The following C19orf81 variants were observed in gnomAD, a reference collection of about 807,000 sequenced individuals.
The protein encoded by C19orf81 is chromosome 19 open reading frame 81.
Under a neutral mutation model 22.1 loss-of-function variants are expected in C19orf81, and 19 were observed. The ratio of observed to expected loss-of-function variants is 0.86; its 90% CI spans 0.60 to 1.26. C19orf81 has a LOEUF of 1.26. C19orf81 is among the 50% of genes most tolerant of loss of function. The pLI is 0.00. For missense variants in C19orf81, 287 were observed against 280.7 expected (o/e 1.02, Z -0.16); for synonymous variants, 108 against 113.1 (o/e 0.95, Z 0.29).
At chr19:50,657,752 A>G (rs907808699) in intron 3 of C19orf81, among the ~76,000 whole-genome samples, 10 of 152,234 alleles carry the variant, frequency 6.6e-5, no homozygotes, top group African/African-American at 2.4e-4. Flanking sequence ...GCTTGGTGAG[A>G]ATTGATTTTT....
chr19:50,650,403 G>A (rs1446421901), intron 1 of C19orf81, among the ~76,000 whole-genome samples: 1 of 152,220 alleles, frequency 6.6e-6, no homozygotes, highest in Non-Finnish European at 1.5e-5. Context: ...GGGTGTGGTG[G>A]CTCACGCCTA....
intron 1 of C19orf81, among the ~76,000 whole-genome samples, chr19:50,653,682 GCACACACACACA>G (rs57915687): frequency 0.063 from 7,637 of 121,832 alleles, 343 homozygotes; most frequent in African/African-American, 0.11. Flanking sequence ...ATGAGAGACA[GCACACACACACA>G]CACACACACA....
At position 50,658,085 on chromosome 19, in the gene C19orf81, G is replaced by T. The variant is rs753884072; in HGVS notation, c.358G>T (p.Glu120Ter). ...CGGGCGCGTGAGCAGCATCCGCTTT[G>T]AGAACATGAACGTCATCTGTGGGAC... is the stretch of plus-strand genomic sequence containing the variant. The part of the protein sequence containing the change: ...ESGRVSSIRF[E>*]NMNVICGTAG... The change falls in exon 4 of 5, where the codon GAG becomes TAG. Residue 120 changes from glutamate to a stop codon, truncating the protein, a stop_gained. Transcript: ENST00000425202. LOFTEE classifies it high-confidence loss of function. 5 of 1,535,954 alleles carry T rather than the reference G, an allele frequency of 3.3e-6. No homozygotes were observed. Among genetic ancestry groups the T allele is most frequent in the Non-Finnish European group, 2.6e-6 (3 of 1,146,840 alleles).
chr19:50,650,021 A>C (rs1450286627), intron 1 of C19orf81, among the ~76,000 whole-genome samples: 1 of 151,930 alleles, frequency 6.6e-6, no homozygotes, highest in South Asian at 2.1e-4. Flanking sequence ...GCCCTGTCCC[A>C]GGTCTCATCC....
chr19:50,656,434 A>G, intron 3 of C19orf81, 88 bp downstream of exon 3: 4 of 1,438,062 alleles, frequency 2.8e-6, no homozygotes, highest in Admixed American at 2.5e-5. Context: ...GCCAGAGTTT[A>G]AATTCAGGCT....
chr19:50,658,934 AC>A lies in C19orf81; in HGVS notation c.402-7del. 10 of 1,447,914 alleles carry A rather than the reference AC, an allele frequency of 6.9e-6. No individual in the cohort carries two copies. Among genetic ancestry groups the A allele is most frequent in the Admixed American group, 2.3e-5 (1 of 44,098 alleles). The allele number at this position is 1,447,914 out of a possible 1,614,324, so 89.7% of individuals were successfully genotyped here. A position where few individuals can be genotyped will look rare whatever the true frequency, so the allele number is the denominator to read the frequency against. ...ACCTGCGAGTTCCTTTTCCGTCCCC[AC>A]CCCCCTTACAGGTGGCTCATCGCGG... On this transcript the variant is annotated splice_polypyrimidine_tract_variant and intron_variant, in intron 4 of 4. Coordinates refer to ENST00000425202, the MANE Select transcript of C19orf81 (RefSeq NM_001195076.2).
chr19:50,657,900 G>A (rs1474506086), intron 3 of C19orf81, 89 bp from the exon 4 acceptor site: 17 of 1,427,452 alleles, frequency 1.2e-5, no homozygotes, highest in Admixed American at 2.9e-5. Flanking sequence ...TCTGTGGCAG[G>A]TTCTGCAGGT....
intron 1 of C19orf81, among the ~76,000 whole-genome samples, chr19:50,654,263 C>A (rs1214132315): frequency 6.6e-6 from 1 of 152,046 alleles, no homozygotes; most frequent in Non-Finnish European, 1.5e-5. Flanking sequence ...TCCTCTCTTT[C>A]TCCTTCTTCC....
At chr19:50,657,879 C>T in intron 3 of C19orf81, 110 bp from the exon 4 acceptor site, 1 of 1,381,714 alleles carries the variant, frequency 7.2e-7, no homozygotes, top group South Asian at 1.6e-5. Context: ...CCCTCAAATG[C>T]CACCTGGAAC....
chr19:50,654,347 G>C (rs1445488854), intron 1 of C19orf81, among the ~76,000 whole-genome samples: 2 of 151,776 alleles, frequency 1.3e-5, no homozygotes, highest in Non-Finnish European at 2.9e-5. Context: ...CTGTCGCCCA[G>C]GCTGGAGTGC....
chr19:50,650,124 C>T (rs1481081183), intron 1 of C19orf81, among the ~76,000 whole-genome samples: 3 of 152,184 alleles, frequency 2.0e-5, no homozygotes, highest in Non-Finnish European at 4.4e-5. Flanking sequence ...GTCTCTCTGA[C>T]TTCCTGCAGT....
At position 50,649,531 on chromosome 19, in the gene C19orf81, G is replaced by C; in HGVS notation, c.67+20G>C. 1 of 1,536,042 alleles carries C rather than the reference G, an allele frequency of 6.5e-7. No individual in the cohort carries two copies. Among genetic ancestry groups the C allele is most frequent in the African/African-American group, 1.4e-5 (1 of 73,152 alleles). ...AGGCAGGTACTGAGCTGTGTCTTTGGGGGAAGGGGTGGACTTCCTCCATCC... is the reference window on the plus strand; with the variant it reads ...AGGCAGGTACTGAGCTGTGTCTTTGCGGGAAGGGGTGGACTTCCTCCATCC... On this transcript the variant is annotated intron_variant, in intron 1 of 4. Transcript: ENST00000425202.
At chr19:50,657,532 CT>C (rs1985022454) in intron 3 of C19orf81, among the ~76,000 whole-genome samples, 2 of 152,176 alleles carry the variant, frequency 1.3e-5, no homozygotes, top group African/African-American at 4.8e-5. Context: ...ATCAAAACCC[CT>C]ATGACCCTTA....
rs1322321167 is a variant in C19orf81 at position 50,656,186 on chromosome 19, C to A, written c.141-40C>A. The A allele has an allele frequency of 2.6e-6, 4 of 1,536,114 alleles. No individual in the cohort carries two copies. The South Asian group carries it at 3.6e-5, about 14-fold the overall frequency. ...CTCCCCAAATGTGATGGCAGTGAACCCTGACCTCAGAGGTCCCTGCCTGTT... is the reference window on the plus strand; with the variant it reads ...CTCCCCAAATGTGATGGCAGTGAACACTGACCTCAGAGGTCCCTGCCTGTT... On this transcript the variant is annotated intron_variant, in intron 2 of 4. Transcript: ENST00000425202.
At position 50,657,964 on chromosome 19, in the gene C19orf81, G is replaced by A. The variant is rs115995686; in HGVS notation, c.262-25G>A. The A allele has an allele frequency of 1.1e-3, 1,661 of 1,512,732 alleles. 19 individuals carry two copies. The African/African-American group carries it at 0.02, about 18-fold the overall frequency. The allele number at this position is 1,512,732 out of a possible 1,614,324, so 93.7% of individuals were successfully genotyped here. A position where few individuals can be genotyped will look rare whatever the true frequency, so the allele number is the denominator to read the frequency against. On this transcript the variant is annotated intron_variant, in intron 3 of 4. Transcript: ENST00000425202. ...AAAATGAACCAGGAGGCCACGGGCT[G>A]AGGTTCTCTCTCCGACACCCGCAGC...
At chr19:50,656,997 G>A (rs947126445) in intron 3 of C19orf81, among the ~76,000 whole-genome samples, 58 of 146,138 alleles carry the variant, frequency 4.0e-4, no homozygotes, top group African/African-American at 1.5e-3. Flanking sequence ...GGAAGGAAGG[G>A]AGGGAGGGAA....
intron 4 of C19orf81, chr19:50,658,562 G>C (rs1036147300): frequency 8.1e-6 from 2 of 247,610 alleles, no homozygotes; most frequent in Non-Finnish European, 1.6e-5. Context: ...ATAGAGGTCT[G>C]AGCCTGGAAA....
chr19:50,656,694 G>A (rs1253367110), intron 3 of C19orf81, among the ~76,000 whole-genome samples: 4 of 152,150 alleles, frequency 2.6e-5, no homozygotes, highest in Admixed American at 2.6e-4. Context: ...GCTCACGCCT[G>A]TAATCCCAGC....
At position 50,659,107 on chromosome 19, in the gene C19orf81, G is replaced by T; in HGVS notation, c.562G>T (p.Glu188Ter). 1 of 1,480,596 alleles carries T rather than the reference G, an allele frequency of 6.8e-7. No homozygotes were observed. The highest frequency in any genetic ancestry group is 8.9e-7 in the Non-Finnish European group (1 of 1,117,786). The allele number at this position is 1,480,596 out of a possible 1,614,324, so 91.7% of individuals were successfully genotyped here. A position where few individuals can be genotyped will look rare whatever the true frequency, so the allele number is the denominator to read the frequency against. The change falls in exon 5 of 5, where the codon GAG becomes TAG. Residue 188 changes from glutamate to a stop codon, truncating the protein, a stop_gained. Transcript: ENST00000425202. LOFTEE classifies it high-confidence loss of function. ...CTCCCTGGTCCGGCGGCGCATGCTC[G>T]AGGCCCTGGGGGCGGAGCCGAACGA... ...RRSLVRRRML[E>*]ALGAEPNEEA
Sources: gnomAD v4.1 joint callset for allele counts (sites outside exome capture counted in the v4.1 genomes callset) on GRCh38, gnomAD v4.1.1 for gene constraint, MANE v1.5 for transcripts, NCBI Gene and HGNC (gene_info 2026-07-23, HGNC 2026-07-21) for gene names.